PPIF: variants seen among roughly 807,000 people sequenced by gnomAD.
PPIF encodes the protein peptidyl-prolyl cis-trans isomerase F, mitochondrial.
A neutral mutation model predicts 20.2 loss-of-function variants in PPIF; 23 were observed. That is an observed-to-expected ratio of 1.14 (90% confidence interval 0.82 to 1.61). The LOEUF is 1.61. Ranked by LOEUF, PPIF falls within the 40% of genes most tolerant of loss-of-function variation. The pLI is 0.00. For missense variants in PPIF, 287 were observed against 291.6 expected, an observed-to-expected ratio of 0.98 and a Z score of 0.11; for synonymous variants, 113 against 123.1, an observed-to-expected ratio of 0.92 and a Z score of 0.54.
rs752531837 is a variant in PPIF at position 79,349,673 on chromosome 10, A to G, written c.235A>G (p.Arg79Gly). The G allele has an allele frequency of 6.2e-7, 1 of 1,613,526 alleles. No homozygotes were observed. Among genetic ancestry groups the G allele is most frequent in the Admixed American group, 1.7e-5 (1 of 60,026 alleles). Residue 79 changes from arginine to glycine, a missense_variant, in exon 3 of 6, where the codon AGA becomes GGA. Transcript: ENST00000225174. ...DVVPKTAENF[R>G]ALCTGEKGFG... Reference sequence around the variant, plus strand: ...TTCTCTTCGACCCTCAGAGAACTTCAGAGCCCTGTGCACTGGTGAGAAGGG... The same window carrying G: ...TTCTCTTCGACCCTCAGAGAACTTCGGAGCCCTGTGCACTGGTGAGAAGGG...
chr10:79,352,302 T>G lies in PPIF; in HGVS notation c.413-15T>G. 2 of 1,612,844 alleles carry G rather than the reference T, an allele frequency of 1.2e-6. No homozygotes were observed. The highest frequency in any genetic ancestry group is 1.7e-6 in the Non-Finnish European group (2 of 1,178,794). ...CTCCAGGGGCAGCGTGGCTCAGCCC[T>G]GCTGGTTTTTGCAGGTGTCCTGTCC... is the stretch of plus-strand genomic sequence containing the variant. On this transcript the variant is annotated splice_polypyrimidine_tract_variant and intron_variant, in intron 4 of 5. Coordinates refer to ENST00000225174, the MANE Select transcript of PPIF (RefSeq NM_005729.4).
At chr10:79,352,823 T>C (rs1856000055) in intron 5 of PPIF, among the ~76,000 whole-genome samples, 1 of 152,234 alleles carries the variant, frequency 6.6e-6, no homozygotes, top group Non-Finnish European at 1.5e-5. Flanking sequence ...CAGCAGACAT[T>C]TGGATATCAG....
intron 4 of PPIF, 148 bp from the exon 5 acceptor site, chr10:79,352,168 TG>T: frequency 1.5e-6 from 1 of 666,784 alleles, no homozygotes; most frequent in Non-Finnish European, 2.6e-6. Context: ...CCTGGGGGGC[TG>T]GTATCGGGCC....
intron 3 of PPIF, chr10:79,350,127 G>C (rs1855961786): frequency 4.4e-6 from 1 of 228,484 alleles, no homozygotes; most frequent in South Asian, 6.7e-5. Flanking sequence ...ATAAGAGAGG[G>C]AGAGAGAGAA....
rs745738709 is a variant in PPIF, at chr10:79,347,658, C to T, written c.110C>T (p.Pro37Leu). ...ARACSKGSGD[P>L]SSSSSSGNPL... ...GCCTGCAGCAAGGGCTCCGGCGACC[C>T]GTCCTCTTCCTCCTCCTCCGGGAAC... is the stretch of plus-strand genomic sequence containing the variant. Residue 37 changes from proline (P) to leucine (L), a missense_variant, in exon 1 of 6, where the codon CCG becomes CTG. Transcript: ENST00000225174. 2.7e-6 allele frequency: 4 copies of T among 1,470,514 alleles called. No homozygotes were observed. The highest frequency in any genetic ancestry group is 3.6e-6 in the Non-Finnish European group (4 of 1,107,304). 91.1% of individuals were successfully genotyped at this position (1,470,514 alleles called of 1,614,324 possible).
chr10:79,349,069 C>T lies in PPIF; in HGVS notation c.196-7C>T, dbSNP rs766214903. 1.2e-6 allele frequency: 2 copies of T among 1,613,852 alleles called. No homozygotes were observed. Among genetic ancestry groups the T allele is most frequent in the African/African-American group, 2.7e-5 (2 of 74,926 alleles). ...CATCCTCTTTTGTCCTTCTTCTCCC[C>T]CAACAGCTGAAGGCAGATGTCGTCC... On this transcript the variant is annotated splice_region_variant and splice_polypyrimidine_tract_variant and intron_variant, in intron 1 of 5. Coordinates refer to ENST00000225174, the MANE Select transcript of PPIF (RefSeq NM_005729.4).
In PPIF at chr10:79,355,060, C is replaced by T. The variant is rs57510738; in HGVS notation, c.*1218C>T. On this transcript the variant is annotated 3_prime_UTR_variant, in exon 6 of 6. Transcript: ENST00000225174. ...CCAGTGCTGGAGGTGGGGCCTGCTACGAGGTGTTTGGATCATGGGGACGGG... is the reference window on the plus strand; with the variant it reads ...CCAGTGCTGGAGGTGGGGCCTGCTATGAGGTGTTTGGATCATGGGGACGGG... The T allele has an allele frequency of 0.024, 3,645 of 152,330 alleles. 110 individuals are homozygous for T. The highest frequency in any genetic ancestry group is 0.063 in the African/African-American group (2,603 of 41,500). 9.4% of individuals were successfully genotyped at this position (152,330 alleles called of 1,614,324 possible).
chr10:79,349,917 A>G (rs964245495), intron 3 of PPIF, 164 bp downstream of exon 3: 9 of 1,424,098 alleles, frequency 6.3e-6, no homozygotes, highest in African/African-American at 4.3e-5. Context: ...TTCACTGCAC[A>G]TGGAAGCCCA....
In PPIF at chr10:79,353,977, G is replaced by T; in HGVS notation, c.*135G>T. The T allele has an allele frequency of 1.9e-6, 2 of 1,043,260 alleles. No individual in the cohort carries two copies. Among genetic ancestry groups the T allele is most frequent in the African/African-American group, 3.2e-5 (2 of 62,820 alleles). The allele number at this position is 1,043,260 out of a possible 1,614,324, so 64.6% of individuals were successfully genotyped here. On this transcript the variant is annotated 3_prime_UTR_variant, in exon 6 of 6. Coordinates refer to ENST00000225174, the MANE Select transcript of PPIF (RefSeq NM_005729.4). ...TGTCACAGTGTGCCTGAGGAAGGCT[G>T]CTAGGGATGTTAGACCTCGGCCAGG...
chr10:79,354,217 C>CT lies in PPIF; in HGVS notation c.*376dup, dbSNP rs1204099604. 3.9e-6 allele frequency: 1 copy of CT among 255,792 alleles called. No individual in the cohort carries two copies. Among genetic ancestry groups the CT allele is most frequent in the Non-Finnish European group, 7.7e-6 (1 of 130,018 alleles). The allele number at this position is 255,792 out of a possible 1,614,324, so 15.8% of individuals were successfully genotyped here. On this transcript the variant is annotated 3_prime_UTR_variant, in exon 6 of 6. Transcript: ENST00000225174. ...GGACAGTCAGTTTTGCAAAAGGACT[C>CT]TAATACCTGTTTAATATTGTCTTCC...
Position 79,349,088 on chromosome 10 carries a change from G to A in PPIF, c.208G>A (p.Val70Ile). The change falls in exon 2 of 6, where the codon GTC (valine) becomes ATC (isoleucine). Residue 70 changes from valine to isoleucine, a missense_variant. Transcript: ENST00000225174. Reference protein sequence around the residue: ...GRVVLELKADVVPKTAENFRA... With the variant: ...GRVVLELKADIVPKTAENFRA... ...TCTCCCCCAACAGCTGAAGGCAGAT[G>A]TCGTCCCAAAGACAGCTGGTAAGAC... 6.2e-7 allele frequency: 1 copy of A among 1,614,016 alleles called. No individual in the cohort carries two copies. The highest frequency in any genetic ancestry group is 8.5e-7 in the Non-Finnish European group (1 of 1,180,008).
intron 5 of PPIF, 30 bp from the exon 6 acceptor site, chr10:79,353,677 G>C: frequency 6.2e-7 from 1 of 1,614,202 alleles, no homozygotes; most frequent in African/African-American, 1.3e-5. Flanking sequence ...GCGCTACACT[G>C]TTGCTCACCC....
chr10:79,353,685 C>A, intron 5 of PPIF, 22 bp from the exon 6 acceptor site: 2 of 1,614,212 alleles, frequency 1.2e-6, no homozygotes, highest in Non-Finnish European at 1.7e-6. Flanking sequence ...CTGTTGCTCA[C>A]CCGGGTCACC....
chr10:79,350,344 C>T (rs1373940493), intron 3 of PPIF, among the ~76,000 whole-genome samples: 6 of 152,074 alleles, frequency 3.9e-5, no homozygotes, highest in African/African-American at 1.2e-4. Flanking sequence ...GGGTCAGGAC[C>T]CAGGTGGTGT....
intron 2 of PPIF, 43 bp from the exon 3 acceptor site, chr10:79,349,622 T>C (rs769173592): frequency 1.9e-6 from 3 of 1,610,976 alleles, no homozygotes; most frequent in Non-Finnish European, 2.5e-6. Flanking sequence ...ACCCTGGAAT[T>C]GGGGCCTGGC....
At chr10:79,347,768 TG>T in intron 1 of PPIF, 25 bp downstream of exon 1, 1 of 1,292,556 alleles carries the variant, frequency 7.7e-7, no homozygotes, top group Admixed American at 4.0e-5. Context: ...AGGGCCGGCC[TG>T]GGCGCGGGAC....
Position 79,353,806 on chromosome 10 carries a change from G to C in PPIF, c.588G>C (p.Lys196Asn). Residue 196 changes from lysine to asparagine, a missense_variant, in exon 6 of 6, where the codon AAG becomes AAC. By Grantham distance (94) the Lys-to-Asn change is moderately conservative. Coordinates refer to ENST00000225174, the MANE Select transcript of PPIF (RefSeq NM_005729.4). ...GCTCTAAGAGTGGGAGGACATCCAA[G>C]AAGATTGTCATCACAGACTGTGGCC... The part of the protein sequence containing the change: ...SFGSKSGRTS[K>N]KIVITDCGQL... 3.1e-6 allele frequency: 5 copies of C among 1,614,264 alleles called. No homozygotes were observed. Among genetic ancestry groups the C allele is most frequent in the Non-Finnish European group, 4.2e-6 (5 of 1,180,042 alleles).
At chr10:79,352,452 T>C in intron 5 of PPIF, 60 bp downstream of exon 5, 1 of 1,553,702 alleles carries the variant, frequency 6.4e-7, no homozygotes, top group Non-Finnish European at 8.9e-7. Flanking sequence ...GGAGGAGGAT[T>C]CGTGCACTTT....
rs879192365 is a variant in PPIF at position 79,348,945 on chromosome 10, G to T, written c.196-131G>T. On this transcript the variant is annotated intron_variant, in intron 1 of 5. Transcript: ENST00000225174. Reference sequence around the variant, plus strand: ...CCTCCCATGGGGGTTGGCAATAATGGGAATGGAATGTCCACGTGCTTCTTC... The same window carrying T: ...CCTCCCATGGGGGTTGGCAATAATGTGAATGGAATGTCCACGTGCTTCTTC... 2.3e-5 allele frequency: 36 copies of T among 1,597,996 alleles called. No individual in the cohort carries two copies. In the South Asian group the frequency reaches 3.8e-4, roughly 17 times the overall value.
Sources: allele counts gnomAD v4.1 joint callset (sites outside exome capture counted in the v4.1 genomes callset), GRCh38; gene constraint gnomAD v4.1.1; transcripts MANE v1.5; gene names NCBI Gene and HGNC (gene_info 2026-07-23, HGNC 2026-07-21).